The following PSMF1 variants were observed in gnomAD, a reference collection of about 807,000 sequenced individuals.
PSMF1 encodes proteasome inhibitor subunit 1.
PSMF1 carries 30 observed loss-of-function variants against 29.3 expected under a neutral mutation model. The observed-to-expected ratio is 1.02, with a 90% CI of 0.77 to 1.39. The LOEUF (loss-of-function observed/expected upper bound fraction) is 1.39. PSMF1 is among the 40% of genes most tolerant of loss of function. The pLI, the probability that PSMF1 is intolerant of heterozygous loss-of-function variation, is 0.00. For synonymous variants in PSMF1, 134 were observed against 139.7 expected, an observed-to-expected ratio of 0.96 and a Z score of 0.29; for missense variants, 344 against 357.5, an observed-to-expected ratio of 0.96 and a Z score of 0.31.
At chr20:1,152,921 G>A (rs1255995624) in intron 4 of PSMF1, among the ~76,000 whole-genome samples, 1 of 152,186 alleles carries the variant, frequency 6.6e-6, no homozygotes, top group African/African-American at 2.4e-5. Context: ...CTTGGAGCAC[G>A]TCTCTGAATG....
intron 4 of PSMF1, among the ~76,000 whole-genome samples, chr20:1,147,311 A>G (rs938379749): frequency 6.6e-6 from 1 of 152,132 alleles, no homozygotes; most frequent in Non-Finnish European, 1.5e-5. Flanking sequence ...TGGCATCCCC[A>G]CTTTACAGGG....
rs1432196298 is a variant in PSMF1, at chr20:1,168,524, A to G, written c.*3444A>G. 6.6e-6 allele frequency: 1 copy of G among 152,292 alleles called. No individual in the cohort carries two copies. Among genetic ancestry groups the G allele is most frequent in the Non-Finnish European group, 1.5e-5 (1 of 68,040 alleles). The allele number at this position is 152,292 out of a possible 1,614,324, so 9.4% of individuals were successfully genotyped here. A position where few individuals can be genotyped will look rare whatever the true frequency, so the allele number is the denominator to read the frequency against. ...TCTTACTGCATTCATCTCCTCAGTC[A>G]TAAGTGTCTGTCAACCTCCGTTGTG... On this transcript the variant is annotated 3_prime_UTR_variant, in exon 7 of 7. Coordinates refer to ENST00000335877, the MANE Select transcript of PSMF1 (RefSeq NM_006814.5).
chr20:1,147,176 T>TCAC (rs3034799), intron 4 of PSMF1, among the ~76,000 whole-genome samples: 5 of 132,378 alleles, frequency 3.8e-5, no homozygotes, highest in Admixed American at 1.4e-4. Flanking sequence ...ATCATCATCA[T>TCAC]CACCACCCTG....
At chr20:1,140,455 A>AGT (rs1182086116) in intron 4 of PSMF1, among the ~76,000 whole-genome samples, 1 of 152,164 alleles carries the variant, frequency 6.6e-6, no homozygotes, top group Non-Finnish European at 1.5e-5. Context: ...CACACACCTG[A>AGT]GTGTAAGAGC....
At chr20:1,118,583 C>A (rs1184662819), upstream of PSMF1, 6 of 611,706 alleles carry the variant, frequency 9.8e-6, no homozygotes, top group East Asian at 6.3e-5. Flanking sequence ...CAGTTGCGCC[C>A]GCTGTTGGGA....
rs2086772659 is a variant in PSMF1, at chr20:1,169,870, C to T, written c.*4790C>T. 6.6e-6 allele frequency among the ~76,000 whole-genome samples: 1 copy of T among 152,178 alleles called. No individual in the cohort carries two copies. The highest frequency in any genetic ancestry group is 1.5e-5 in the Non-Finnish European group (1 of 68,038). On this transcript the variant is annotated 3_prime_UTR_variant, in exon 7 of 7. Transcript: ENST00000335877. ...CTTCCCACCTTTCCTGGAAGGTGCA[C>T]TGGGACAGAGGTCTAGTGAGCCAAT...
Position 1,129,033 on chromosome 20 carries a change from G to A in PSMF1, c.365+1525G>A, listed in dbSNP as rs553082561. ...TGGGACTACAGGTGCCCACCACCAC[G>A]CCTGGCAATTTTTTTTTTTTGTATT... On this transcript the variant is annotated intron_variant, in intron 3 of 6. Transcript: ENST00000335877. Among the ~76,000 whole-genome samples the A allele has an allele frequency of 7.9e-5, 12 of 151,954 alleles. No individual in the cohort carries two copies. In the East Asian group the frequency reaches 1.9e-3, roughly 24 times the overall value.
chr20:1,156,585 G>T (rs1465353276), intron 4 of PSMF1, among the ~76,000 whole-genome samples: 1 of 152,160 alleles, frequency 6.6e-6, no homozygotes, highest in African/African-American at 2.4e-5. Flanking sequence ...AATCTTGGAG[G>T]CCAGAAAGAA....
intron 4 of PSMF1, among the ~76,000 whole-genome samples, chr20:1,141,096 A>G (rs906989631): frequency 6.6e-6 from 1 of 152,236 alleles, no homozygotes; most frequent in Non-Finnish European, 1.5e-5. Context: ...TATATGATTT[A>G]TTTATGTGAA....
chr20:1,128,531 CTTTT>C (rs2086189561), intron 3 of PSMF1, among the ~76,000 whole-genome samples: 1 of 152,114 alleles, frequency 6.6e-6, no homozygotes, highest in African/African-American at 2.4e-5. Context: ...ATTTCCAGTT[CTTTT>C]TGTCTTTTAA....
chr20:1,135,228 T>TC lies in PSMF1; in HGVS notation c.479dup (p.Ala161CysfsTer26). On this transcript the variant is annotated frameshift_variant, in exon 4 of 7. Coordinates refer to ENST00000335877, the MANE Select transcript of PSMF1 (RefSeq NM_006814.5). LOFTEE classifies it high-confidence loss of function. Reference sequence around the variant, plus strand: ...AATGTAAGCAGTCCCCACCGGGAGTTCCCCCCTGCTACCGCCAGAGAGGTG... The same window carrying TC: ...AATGTAAGCAGTCCCCACCGGGAGTTCCCCCCCTGCTACCGCCAGAGAGGTG... The TC allele has an allele frequency of 6.2e-7, 1 of 1,613,650 alleles. No homozygotes were observed. Among genetic ancestry groups the TC allele is most frequent in the Non-Finnish European group, 8.5e-7 (1 of 1,179,940 alleles).
At chr20:1,127,335 T>G (rs2086171326) in intron 2 of PSMF1, 91 bp from the exon 3 acceptor site, 1 of 958,640 alleles carries the variant, frequency 1.0e-6, no homozygotes, top group South Asian at 1.3e-5. Flanking sequence ...TGAATATTTC[T>G]TTAGGTTGAA....
upstream of PSMF1, among the ~76,000 whole-genome samples, chr20:1,117,680 C>T (rs1223349065): frequency 6.6e-6 from 1 of 152,152 alleles, no homozygotes; most frequent in African/African-American, 2.4e-5. Context: ...TCTCTGGTTG[C>T]GGAGTGCAGT....
At chr20:1,131,472 T>C (rs1413390639) in intron 3 of PSMF1, among the ~76,000 whole-genome samples, 1 of 152,230 alleles carries the variant, frequency 6.6e-6, no homozygotes, top group Non-Finnish European at 1.5e-5. Context: ...TAGCGCTTAG[T>C]CCAGCTCTTA....
At chr20:1,162,380 G>GA (rs1183280481) in intron 4 of PSMF1, among the ~76,000 whole-genome samples, 1 of 151,914 alleles carries the variant, frequency 6.6e-6, no homozygotes, top group Non-Finnish European at 1.5e-5. Context: ...CATTGTGTAA[G>GA]AAAAAATAAA....
In PSMF1 at chr20:1,163,076, A is replaced by G; in HGVS notation, c.552-54A>G. 1 of 1,591,438 alleles carries G rather than the reference A, an allele frequency of 6.3e-7. No individual in the cohort carries two copies. Among genetic ancestry groups the G allele is most frequent in the Non-Finnish European group, 8.6e-7 (1 of 1,161,104 alleles). ...TGAGTGTGTTTGTGATCCCACATGT[A>G]TCAGGTGCCTGGCTGCTCTGGGACT... On this transcript the variant is annotated intron_variant, in intron 4 of 6. Coordinates refer to ENST00000335877, the MANE Select transcript of PSMF1 (RefSeq NM_006814.5). This position sits in a 1 kb window ranked among gnomAD's most constrained non-coding sequence, Gnocchi z 6.1.
At chr20:1,113,671 AC>A (rs2085988216), upstream of PSMF1, among the ~76,000 whole-genome samples, 1 of 140,382 alleles carries the variant, frequency 7.1e-6, no homozygotes. Context: ...TGGGTTACAT[AC>A]TTTCTTCTTC....
rs552417892 is a variant in PSMF1, at chr20:1,152,034, T to A, written c.552-11096T>A. Among the ~76,000 whole-genome samples, 3 of 152,228 alleles carry A rather than the reference T, an allele frequency of 2.0e-5. No individual in the cohort carries two copies. The South Asian group carries it at 6.2e-4, about 32-fold the overall frequency. Reference sequence around the variant, plus strand: ...TGGGGTGATGGGAGCCATCAATGTTTTGAAAAGTTACGTGGTTGGGACTCG... The same window carrying A: ...TGGGGTGATGGGAGCCATCAATGTTATGAAAAGTTACGTGGTTGGGACTCG... On this transcript the variant is annotated intron_variant, in intron 4 of 6. Coordinates refer to ENST00000335877, the MANE Select transcript of PSMF1 (RefSeq NM_006814.5).
At chr20:1,129,029 C>T (rs56273960) in intron 3 of PSMF1, among the ~76,000 whole-genome samples, 31,272 of 152,044 alleles carry the variant, frequency 0.21, 3,426 homozygotes, top group South Asian at 0.27. Flanking sequence ...GTGCCCACCA[C>T]CACGCCTGGC....
Sources: allele counts gnomAD v4.1 joint callset (sites outside exome capture counted in the v4.1 genomes callset), GRCh38; gene constraint gnomAD v4.1.1; non-coding constraint Gnocchi (gnomAD v3.1); transcripts MANE v1.5; gene names NCBI Gene and HGNC (gene_info 2026-07-23, HGNC 2026-07-21).